Variants in SV2C observed in about 807,000 individuals in gnomAD.
SV2C encodes the protein solute carrier family 22 member B3.
SV2C carries 49 observed loss-of-function variants against 79.7 expected under a neutral mutation model. The ratio of observed to expected loss-of-function variants is 0.61; its 90% CI spans 0.49 to 0.78. SV2C has a LOEUF of 0.78. Ranked by LOEUF, SV2C falls within the 30% of genes least tolerant of loss-of-function variation. The pLI is 0.00. For synonymous variants in SV2C, 334 were observed against 333.2 expected (o/e 1.00, Z -0.03); for missense variants, 833 against 912.9 (o/e 0.91, Z 1.13).
intron 4 of SV2C, chr5:76,242,437 C>A (rs1579979449): frequency 1.7e-6 from 1 of 596,200 alleles, no homozygotes; most frequent in East Asian, 4.1e-5. Flanking sequence ...ATCTGCCCAC[C>A]TCGGCCTCCC....
rs544065011 is a variant in SV2C, at chr5:76,301,651, G to A, written c.2000+106G>A. 516 of 1,361,242 alleles carry A rather than the reference G, an allele frequency of 3.8e-4. 3 individuals are homozygous for A. The African/African-American group carries it at 6.9e-3, about 18-fold the overall frequency. The allele number at this position is 1,361,242 out of a possible 1,614,324, so 84.3% of individuals were successfully genotyped here. On this transcript the variant is annotated intron_variant, in intron 12 of 12. Coordinates refer to ENST00000502798, the MANE Select transcript of SV2C (RefSeq NM_014979.4). ...TGGCTGGGCACGGTAGCTTATGCCT[G>A]TAATCCCAGTACTTTGGAAGGCCAA...
the SV2C span, among the ~76,000 whole-genome samples, chr5:76,028,768 C>T: frequency 6.6e-6 from 1 of 152,172 alleles, no homozygotes; most frequent in South Asian, 2.1e-4. Context: ...GGGAATTGTC[C>T]TGTACACTGG....
intron 1 of SV2C, among the ~76,000 whole-genome samples, chr5:76,089,303 T>C (rs1747295921): frequency 2.6e-5 from 4 of 152,240 alleles, no homozygotes; most frequent in African/African-American, 9.6e-5. Context: ...CCTGCATTAG[T>C]TTGCTGAGGA....
At chr5:76,254,449 C>CA (rs1452330467) in intron 4 of SV2C, among the ~76,000 whole-genome samples, 3 of 152,040 alleles carry the variant, frequency 2.0e-5, no homozygotes, top group Non-Finnish European at 4.4e-5. Context: ...CTCAAACCTC[C>CA]ATGTTTAGCT....
intron 12 of SV2C, among the ~76,000 whole-genome samples, chr5:76,305,266 A>G (rs1343827675): frequency 2.6e-5 from 4 of 152,140 alleles, no homozygotes; most frequent in Admixed American, 6.5e-5. Flanking sequence ...CACACATCCA[A>G]TCTCTATTAG....
the SV2C span, among the ~76,000 whole-genome samples, chr5:75,899,637 C>T: frequency 2.0e-5 from 3 of 152,038 alleles, no homozygotes; most frequent in South Asian, 2.1e-4. Context: ...CTTTCTGTCT[C>T]GTTGATCTGT....
At chr5:76,198,718 C>T (rs955181627) in intron 3 of SV2C, among the ~76,000 whole-genome samples, 1 of 152,150 alleles carries the variant, frequency 6.6e-6, no homozygotes, top group African/African-American at 2.4e-5. Flanking sequence ...CTTCATGGCC[C>T]AGGGTTTTTC....
At chr5:76,015,363 C>T in the SV2C span, among the ~76,000 whole-genome samples, 2 of 152,280 alleles carry the variant, frequency 1.3e-5, no homozygotes, top group Admixed American at 6.5e-5. Context: ...ACTTAACTGC[C>T]TACCTTAGCC....
intron 4 of SV2C, among the ~76,000 whole-genome samples, chr5:76,257,614 T>C (rs1467408998): frequency 6.6e-6 from 1 of 150,412 alleles, no homozygotes; most frequent in Non-Finnish European, 1.5e-5. Context: ...TGTCAGCAGA[T>C]GGTAGTGTGT....
At chr5:75,897,714 TC>T in the SV2C span, among the ~76,000 whole-genome samples, 1 of 142,916 alleles carries the variant, frequency 7.0e-6, no homozygotes, top group Non-Finnish European at 1.5e-5. Context: ...GGAATGTTCT[TC>T]CATTTGTTTG....
At chr5:75,967,250 C>T in the SV2C span, among the ~76,000 whole-genome samples, 2 of 152,112 alleles carry the variant, frequency 1.3e-5, no homozygotes, top group Admixed American at 6.5e-5. Flanking sequence ...ACAGCTGACA[C>T]AGAAGACGGG....
intron 1 of SV2C, among the ~76,000 whole-genome samples, chr5:76,123,554 GA>G (rs1164864038): frequency 6.6e-6 from 1 of 152,136 alleles, no homozygotes; most frequent in Non-Finnish European, 1.5e-5. Flanking sequence ...TCATCCCTGG[GA>G]TACAAGCCTG....
At chr5:76,066,647 T>G in the SV2C span, among the ~76,000 whole-genome samples, 3 of 152,082 alleles carry the variant, frequency 2.0e-5, no homozygotes, top group Non-Finnish European at 4.4e-5. Flanking sequence ...AATTCTGTGT[T>G]GTTTCATCTT....
intron 4 of SV2C, among the ~76,000 whole-genome samples, chr5:76,266,683 T>C (rs530835149): frequency 1.3e-5 from 2 of 152,250 alleles, no homozygotes; most frequent in East Asian, 3.9e-4. Flanking sequence ...AGTTATCGTT[T>C]CATGGGTAGA....
At chr5:75,899,914 G>A in the SV2C span, among the ~76,000 whole-genome samples, 412 of 151,980 alleles carry the variant, frequency 2.7e-3, 2 homozygotes, top group African/African-American at 9.8e-3. Flanking sequence ...TTTTCCATTT[G>A]CTTGGTAGAT....
At chr5:75,953,887 A>G in the SV2C span, among the ~76,000 whole-genome samples, 1 of 151,762 alleles carries the variant, frequency 6.6e-6, no homozygotes, top group Non-Finnish European at 1.5e-5. Flanking sequence ...CCACTCCTAT[A>G]CCAGTGTTTC....
At chr5:76,056,748 G>A in the SV2C span, among the ~76,000 whole-genome samples, 1 of 148,674 alleles carries the variant, frequency 6.7e-6, no homozygotes, top group Admixed American at 6.8e-5. Flanking sequence ...GGGTGTATGT[G>A]TCCAGGAATT....
the SV2C span, among the ~76,000 whole-genome samples, chr5:76,013,107 A>G: frequency 6.6e-6 from 1 of 152,130 alleles, no homozygotes; most frequent in East Asian, 1.9e-4. Flanking sequence ...TTGGTTCCAT[A>G]TGAAATGTAA....
the SV2C span, among the ~76,000 whole-genome samples, chr5:75,855,098 C>G: frequency 6.6e-6 from 1 of 152,014 alleles, no homozygotes; most frequent in East Asian, 1.9e-4. Context: ...ATGGACTATT[C>G]TATATCTTTT....
Sources: allele counts gnomAD v4.1 joint callset (sites outside exome capture counted in the v4.1 genomes callset), GRCh38; gene constraint gnomAD v4.1.1; transcripts MANE v1.5; gene names NCBI Gene and HGNC (gene_info 2026-07-23, HGNC 2026-07-21).